The following DDB1 variants were observed in gnomAD, a reference collection of about 807,000 sequenced individuals.
DDB1 encodes damage specific DNA binding protein 1, also known as DNA damage-binding protein 1.
A neutral mutation model predicts 133.1 loss-of-function variants in DDB1; 18 were observed. The observed-to-expected ratio is 0.14, with a 90% CI of 0.09 to 0.20. The LOEUF (loss-of-function observed/expected upper bound fraction) is 0.20. Among genes scored for constraint, DDB1 ranks in the 10% least tolerant of loss-of-function variants. The probability of loss-of-function intolerance (pLI) is 1.00; values close to 1 mark genes in which losing one functional copy is unlikely to be tolerated. For synonymous variants in DDB1, 580 were observed against 550.5 expected (o/e 1.05, Z -0.75); for missense variants, 828 against 1,459.2 (o/e 0.57, Z 7.05).
chr11:61,315,325 A>T (rs985298270), intron 12 of DDB1: 3 of 152,230 alleles, frequency 2.0e-5, no homozygotes, highest in Non-Finnish European at 4.4e-5. Context: ...CTATTCATTC[A>T]TCTTACCTAG....
chr11:61,329,243 T>G (rs1178362802), intron 4 of DDB1, 120 bp downstream of exon 4: 2 of 931,178 alleles, frequency 2.1e-6, no homozygotes, highest in Non-Finnish European at 3.5e-6. Flanking sequence ...TCAAAACATT[T>G]CAGGACAAAC....
chr11:61,326,788 C>T lies in DDB1; in HGVS notation c.655G>A (p.Val219Met), dbSNP rs1856277809. Reference sequence around the variant, plus strand: ...TAAACCCCCTACCAACCTGCGATCACCATGGAAGCTTCAGCTTCGACATTT... The same window carrying T: ...TAAACCCCCTACCAACCTGCGATCATCATGGAAGCTTCAGCTTCGACATTT... ...QENVEAEASM[V>M]IAVPEPFGGA... The change falls in exon 5 of 27, where the codon GTG (valine) becomes ATG (methionine). Residue 219 changes from valine (V) to methionine (M), a missense_variant. By Grantham distance (21) the Val-to-Met change is conservative. Transcript: ENST00000301764. 1 of 1,613,982 alleles carries T rather than the reference C, an allele frequency of 6.2e-7. No individual in the cohort carries two copies. Among genetic ancestry groups the T allele is most frequent in the African/African-American group, 1.3e-5 (1 of 74,912 alleles).
chr11:61,314,075 T>A lies in DDB1; in HGVS notation c.1725A>T (p.Glu575Asp), dbSNP rs570804153. 2.5e-6 allele frequency: 4 copies of A among 1,614,074 alleles called. No individual in the cohort carries two copies. In the South Asian group the frequency reaches 4.4e-5, roughly 18 times the overall value. Reference protein sequence around the residue: ...SARILKLPSFELLHKEMLGGE... With the variant: ...SARILKLPSFDLLHKEMLGGE... ...CACCCAGCATCTCCTTGTGCAGTAG[T>A]TCAAAAGAGGGCAACTTCAAGATAC... is the stretch of plus-strand genomic sequence containing the variant. Residue 575 changes from glutamate (E) to aspartate (D), a missense_variant, in exon 14 of 27, where the codon GAA becomes GAT. Coordinates refer to ENST00000301764, the MANE Select transcript of DDB1 (RefSeq NM_001923.5).
chr11:61,329,352 T>C lies in DDB1; in HGVS notation c.549+11A>G. On this transcript the variant is annotated intron_variant, in intron 4 of 26. Coordinates refer to ENST00000301764, the MANE Select transcript of DDB1 (RefSeq NM_001923.5). ...CTCACAGTTTCTCGCTCTCTCTTCC[T>C]GATCCAGTACCTGGTAGACAAAGCA... The C allele has an allele frequency of 6.2e-7, 1 of 1,613,516 alleles. No individual in the cohort carries two copies. Among genetic ancestry groups the C allele is most frequent in the Non-Finnish European group, 8.5e-7 (1 of 1,179,494 alleles).
At chr11:61,320,421 G>A (rs899321166) in intron 10 of DDB1, among the ~76,000 whole-genome samples, 4 of 151,802 alleles carry the variant, frequency 2.6e-5, no homozygotes, top group Non-Finnish European at 4.4e-5. Flanking sequence ...GGCTGGTCTC[G>A]AACTCCTGGC....
chr11:61,329,489 C>T lies in DDB1; in HGVS notation c.423G>A (p.Lys141=), dbSNP rs145099397. ...IGLRLYDGLF[K]VIPLDRDNKE... is the part of the protein sequence containing the mutation. ...TATTATCGCGATCTAGTGGAATAAC[C>T]TTGAAAAGGCCATCATAGAGACGCA... Residue 141 remains lysine, a synonymous_variant, in exon 4 of 27, where the codon AAG becomes AAA. Coordinates refer to ENST00000301764, the MANE Select transcript of DDB1 (RefSeq NM_001923.5). 1.8e-5 allele frequency: 29 copies of T among 1,614,154 alleles called. No homozygotes were observed. In the Admixed American group the frequency reaches 3.7e-4, roughly 20 times the overall value.
intron 9 of DDB1, 30 bp from the exon 10 acceptor site, chr11:61,321,727 C>T (rs559744672): frequency 1.3e-5 from 21 of 1,600,024 alleles, no homozygotes; most frequent in Non-Finnish European, 1.7e-5. Context: ...TTCTAAAGAA[C>T]CCCCTCAAGA....
At chr11:61,317,036 A>G (rs1856097851) in intron 10 of DDB1, among the ~76,000 whole-genome samples, 1 of 127,194 alleles carries the variant, frequency 7.9e-6, no homozygotes, top group Non-Finnish European at 1.7e-5. Flanking sequence ...GGGCTGGAAC[A>G]TGGAGTCCTG....
At chr11:61,331,469 C>T (rs2134942602) in intron 2 of DDB1, 74 bp downstream of exon 2, 1 of 1,569,408 alleles carries the variant, frequency 6.4e-7, no homozygotes, top group Non-Finnish European at 8.7e-7. Context: ...AATAAATAAA[C>T]AAACAAAAAT....
chr11:61,319,269 CACT>C (rs1336413873), intron 10 of DDB1, among the ~76,000 whole-genome samples: 1 of 152,106 alleles, frequency 6.6e-6, no homozygotes, highest in Non-Finnish European at 1.5e-5. Context: ...GAGAAGCCAC[CACT>C]ATCATACACT....
chr11:61,320,217 T>C (rs944397098), intron 10 of DDB1, among the ~76,000 whole-genome samples: 6 of 151,976 alleles, frequency 3.9e-5, no homozygotes, highest in Non-Finnish European at 8.8e-5. Context: ...CTTTTTTTTT[T>C]TGAGATGGAG....
intron 22 of DDB1, 200 bp from the exon 23 acceptor site, chr11:61,303,355 G>A (rs1855830192): frequency 1.9e-6 from 1 of 530,870 alleles, no homozygotes; most frequent in Non-Finnish European, 3.4e-6. Flanking sequence ...ACTGCCCAGA[G>A]ATGGAGCCTA....
At position 61,321,672 on chromosome 11, in the gene DDB1, T is replaced by C; in HGVS notation, c.1148A>G (p.Lys383Arg). ...CCGGATGATCCGCAAAGAACCTTCC[T>C]TGAAAGCCCCAGAGCAAGTGACCAG... is the stretch of plus-strand genomic sequence containing the variant. ...GQLVTCSGAF[K>R]EGSLRIIRNG... is the part of the protein sequence containing the mutation. The change falls in exon 10 of 27, where the codon AAG becomes AGG. Residue 383 changes from lysine to arginine, a missense_variant. Physicochemically the swap from Lys to Arg is conservative, Grantham distance 26. Transcript: ENST00000301764. 1 of 1,614,210 alleles carries C rather than the reference T, an allele frequency of 6.2e-7. No homozygotes were observed. The highest frequency in any genetic ancestry group is 8.5e-7 in the Non-Finnish European group (1 of 1,180,038).
chr11:61,329,996 T>G lies in DDB1; in HGVS notation c.289A>C (p.Ser97Arg). Residue 97 changes from serine to arginine, a missense_variant, in exon 3 of 27, where the codon AGC becomes CGC. Transcript: ENST00000301764. ...CILEYKQSGE[S>R]IDIITRAHGN... ...TGGGCTCGCGTAATGATGTCAATGC[T>G]CTCGCCACTCTGTTTATACTCCAGG... is the stretch of plus-strand genomic sequence containing the variant. 1 of 1,613,992 alleles carries G rather than the reference T, an allele frequency of 6.2e-7. No individual in the cohort carries two copies. Among genetic ancestry groups the G allele is most frequent in the Non-Finnish European group, 8.5e-7 (1 of 1,179,890 alleles).
rs1855827224 is a variant in DDB1, at chr11:61,303,070, T to C, written c.2918A>G (p.Asn973Ser). The C allele has an allele frequency of 6.2e-7, 1 of 1,614,020 alleles. No individual in the cohort carries two copies. The highest frequency in any genetic ancestry group is 1.7e-5 in the Admixed American group (1 of 60,008). ...CCTATCCTTTTGACACACAAACAAGTTAAAGGCATTTTCAGCCCCCAGAAA... is the reference window on the plus strand; with the variant it reads ...CCTATCCTTTTGACACACAAACAAGCTAAAGGCATTTTCAGCCCCCAGAAA... ...DNFLGAENAF[N>S]LFVCQKDSAA... is the part of the protein sequence containing the mutation. The change falls in exon 23 of 27, where the codon AAC (asparagine) becomes AGC (serine). Residue 973 changes from asparagine to serine, a missense_variant. Physicochemically the swap from Asn to Ser is conservative, Grantham distance 46 (BLOSUM62 1). This residue lies in a region of DDB1 where 116 missense variants were observed against 221.6 expected (regional missense o/e 0.52). Coordinates refer to ENST00000301764, the MANE Select transcript of DDB1 (RefSeq NM_001923.5).
chr11:61,329,975 C>T lies in DDB1; in HGVS notation c.310G>A (p.Ala104Thr), dbSNP rs1249453795. The T allele has an allele frequency of 3.1e-6, 5 of 1,613,002 alleles. No homozygotes were observed. In the South Asian group the frequency reaches 5.5e-5, roughly 18 times the overall value. The change falls in exon 3 of 27, where the codon GCC becomes ACC. Residue 104 changes from alanine (A) to threonine (T), a missense_variant. This residue lies in a region of DDB1 where 210 missense variants were observed against 344.8 expected (regional missense o/e 0.61). Transcript: ENST00000301764. ...CACCTCACCTGGACATTGCCATGGG[C>T]TCGCGTAATGATGTCAATGCTCTCG... ...SGESIDIITRAHGNVQDRIGR... is the reference protein window; with the variant it reads ...SGESIDIITRTHGNVQDRIGR...
intron 26 of DDB1, 70 bp downstream of exon 26, chr11:61,300,739 G>A (rs1840385272): frequency 5.0e-6 from 8 of 1,591,472 alleles, no homozygotes; most frequent in Non-Finnish European, 6.9e-6. Context: ...GGTGCCCAGA[G>A]ACAGTCTCCT....
rs1856021959 is a variant in DDB1, at chr11:61,313,982, G to C, written c.1754-13C>G. 1 of 1,614,022 alleles carries C rather than the reference G, an allele frequency of 6.2e-7. No homozygotes were observed. The highest frequency in any genetic ancestry group is 8.5e-7 in the Non-Finnish European group (1 of 1,180,034). On this transcript the variant is annotated splice_polypyrimidine_tract_variant and intron_variant, in intron 14 of 26. Transcript: ENST00000301764. ...CGAGGAATGATCTCTGTGAGAAAGGGGGACATTATGTTCTTGTTCCACATT... is the reference window on the plus strand; with the variant it reads ...CGAGGAATGATCTCTGTGAGAAAGGCGGACATTATGTTCTTGTTCCACATT...
intron 10 of DDB1, among the ~76,000 whole-genome samples, chr11:61,319,454 A>G (rs1479993872): frequency 4.0e-5 from 6 of 149,574 alleles, no homozygotes; most frequent in Non-Finnish European, 8.9e-5. Flanking sequence ...TTTTTTTGAG[A>G]TGGAGTCTTG....
Sources: gnomAD v4.1 joint callset for allele counts (sites outside exome capture counted in the v4.1 genomes callset) on GRCh38, gnomAD v4.1.1 for gene constraint, gnomAD v4.1.1 regional missense constraint, MANE v1.5 for transcripts, NCBI Gene and HGNC (gene_info 2026-07-23, HGNC 2026-07-21) for gene names.